The following DLG2 variants were observed in gnomAD, a reference collection of about 807,000 sequenced individuals.
DLG2 encodes the protein discs large MAGUK scaffold protein 2, also known as disks large homolog 2.
DLG2 carries 45 observed loss-of-function variants against 132.5 expected under a neutral mutation model. That is an observed-to-expected ratio of 0.34 (90% CI 0.27 to 0.44). DLG2 has a LOEUF of 0.44. Among genes scored for constraint, DLG2 ranks in the 20% least tolerant of loss-of-function variants. The pLI, the probability that DLG2 is intolerant of heterozygous loss-of-function variation, is 1.00. For missense variants in DLG2, 1,045 were observed against 1,196.9 expected (o/e 0.87, Z 1.87); for synonymous variants, 424 against 419.6 (o/e 1.01, Z -0.13).
At chr11:83,482,545 A>G (rs528413246) in intron 22 of DLG2, among the ~76,000 whole-genome samples, 2 of 152,250 alleles carry the variant, frequency 1.3e-5, no homozygotes, top group Admixed American at 1.3e-4. Flanking sequence ...AAGGCTTAAT[A>G]TATTTTCTTT....
At chr11:83,516,890 A>T (rs1451645084) in intron 21 of DLG2, among the ~76,000 whole-genome samples, 1 of 150,220 alleles carries the variant, frequency 6.7e-6, no homozygotes, top group Non-Finnish European at 1.5e-5. Context: ...CTGCCGAGAG[A>T]TCCGCTGTTA....
intron 11 of DLG2, among the ~76,000 whole-genome samples, chr11:84,024,527 C>T (rs562415401): frequency 6.6e-6 from 1 of 152,092 alleles, no homozygotes; most frequent in Admixed American, 6.5e-5. Context: ...AAGAGATAAA[C>T]TGATAAAGAA....
chr11:83,956,204 A>G (rs11233856), intron 14 of DLG2, among the ~76,000 whole-genome samples: 15,286 of 152,044 alleles, frequency 0.1, 850 homozygotes, highest in Non-Finnish European at 0.12. Flanking sequence ...TCATTTAATC[A>G]TCTGTGTGAC....
At chr11:84,626,847 A>ACATTTTATTTTATTTTATTTTATTTATT (rs373094154) in intron 6 of DLG2, among the ~76,000 whole-genome samples, 1 of 144,012 alleles carries the variant, frequency 6.9e-6, no homozygotes, top group Non-Finnish European at 1.5e-5. Context: ...CATCAATTAC[A>ACATTTTATTTTATTTTATTTTATTTATT]TATTTTATTT....
intron 11 of DLG2, among the ~76,000 whole-genome samples, chr11:84,007,365 C>T (rs2094620807): frequency 6.6e-6 from 1 of 151,656 alleles, no homozygotes; most frequent in Admixed American, 6.6e-5. Context: ...TTCAATTACA[C>T]AGCAGTTGAG....
intron 6 of DLG2, among the ~76,000 whole-genome samples, chr11:84,783,342 T>A (rs567032939): frequency 6.6e-6 from 1 of 151,728 alleles, no homozygotes; most frequent in South Asian, 2.1e-4. Context: ...TCCCTTTCAG[T>A]TCTGACACTG....
At chr11:84,833,190 G>T (rs560411659) in intron 6 of DLG2, among the ~76,000 whole-genome samples, 24 of 151,516 alleles carry the variant, frequency 1.6e-4, no homozygotes, top group Middle Eastern at 6.8e-3. Flanking sequence ...TTTCCTCCAT[G>T]CCACAGAGTG....
chr11:85,136,160 T>C (rs920686771), intron 5 of DLG2, among the ~76,000 whole-genome samples: 2 of 152,256 alleles, frequency 1.3e-5, no homozygotes, highest in African/African-American at 4.8e-5. Flanking sequence ...ACAAACTGAA[T>C]ATGCAATCTT....
chr11:84,853,815 C>G (rs2082448755), intron 6 of DLG2, among the ~76,000 whole-genome samples: 1 of 151,930 alleles, frequency 6.6e-6, no homozygotes, highest in Non-Finnish European at 1.5e-5. Flanking sequence ...CAATATAAGC[C>G]CTCTGAAATT....
chr11:85,511,419 A>G (rs927784988), intron 3 of DLG2, among the ~76,000 whole-genome samples: 4 of 152,098 alleles, frequency 2.6e-5, no homozygotes, highest in African/African-American at 9.7e-5. Flanking sequence ...TAAGAACAGT[A>G]AGAAGACAAT....
intron 11 of DLG2, among the ~76,000 whole-genome samples, chr11:84,025,004 T>C (rs1452254564): frequency 2.0e-5 from 3 of 152,096 alleles, no homozygotes; most frequent in Non-Finnish European, 4.4e-5. Context: ...TTGTATGCCA[T>C]AAATTTATAC....
At chr11:84,903,768 G>A (rs989696061) in intron 6 of DLG2, among the ~76,000 whole-genome samples, 3 of 152,032 alleles carry the variant, frequency 2.0e-5, no homozygotes, top group Non-Finnish European at 4.4e-5. Context: ...AAAAGTAAAA[G>A]GAGCCACAAT....
chr11:84,890,020 T>A (rs562133594), intron 6 of DLG2, among the ~76,000 whole-genome samples: 8 of 152,210 alleles, frequency 5.3e-5, no homozygotes, highest in Admixed American at 2.0e-4. Flanking sequence ...CATATGATAG[T>A]AGAATGAATA....
At chr11:83,894,063 CATATGTGCCAGGAA>C (rs1382331800) in intron 15 of DLG2, among the ~76,000 whole-genome samples, 1 of 152,190 alleles carries the variant, frequency 6.6e-6, no homozygotes, top group Non-Finnish European at 1.5e-5. Flanking sequence ...CTGAGCACCA[CATATGTGCCAGGAA>C]ACAACCAATG....
intron 19 of DLG2, among the ~76,000 whole-genome samples, chr11:83,564,103 T>G (rs907243010): frequency 7.8e-5 from 4 of 51,332 alleles, no homozygotes; most frequent in South Asian, 5.7e-4. Context: ...TTTTCATGTG[T>G]TTTTTTTTTT....
At chr11:85,089,562 G>C (rs1224571471) in intron 6 of DLG2, among the ~76,000 whole-genome samples, 1 of 152,102 alleles carries the variant, frequency 6.6e-6, no homozygotes, top group Non-Finnish European at 1.5e-5. Flanking sequence ...CCGTGCCTTT[G>C]CTATTATGAA....
chr11:85,165,632 C>T (rs2078383869), intron 4 of DLG2, among the ~76,000 whole-genome samples: 1 of 152,172 alleles, frequency 6.6e-6, no homozygotes, highest in Admixed American at 6.6e-5. Flanking sequence ...CTCATCAGAA[C>T]ACCTTTCTAC....
intron 7 of DLG2, among the ~76,000 whole-genome samples, chr11:84,449,604 A>T (rs190317619): frequency 6.6e-6 from 1 of 151,932 alleles, no homozygotes. Flanking sequence ...AGATGCACAA[A>T]GTATTTTGTC....
intron 6 of DLG2, among the ~76,000 whole-genome samples, chr11:84,859,933 C>T (rs2083389968): frequency 6.6e-6 from 1 of 152,144 alleles, no homozygotes; most frequent in Non-Finnish European, 1.5e-5. Flanking sequence ...CGCAGCCTCT[C>T]TGACTTCTTG....
Sources: gnomAD v4.1 joint callset for allele counts (sites outside exome capture counted in the v4.1 genomes callset) on GRCh38, gnomAD v4.1.1 for gene constraint, MANE v1.5 for transcripts, NCBI Gene and HGNC (gene_info 2026-07-23, HGNC 2026-07-21) for gene names.